The following TTC7B variants were observed in gnomAD, a reference collection of about 807,000 sequenced individuals.
TTC7B encodes the protein tetratricopeptide repeat protein 7B.
Under a neutral mutation model 106.8 loss-of-function variants are expected in TTC7B, and 28 were observed. The ratio of observed to expected loss-of-function variants is 0.26; its 90% CI spans 0.19 to 0.36. TTC7B has a LOEUF of 0.36. Ranked by LOEUF, TTC7B falls within the 10% of genes least tolerant of loss-of-function variation. The probability of loss-of-function intolerance (pLI) is 1.00; values close to 1 mark genes in which losing one functional copy is unlikely to be tolerated. For missense variants in TTC7B, 862 were observed against 1,076.4 expected, an observed-to-expected ratio of 0.80 and a Z score of 2.79; for synonymous variants, 405 against 430.6, an observed-to-expected ratio of 0.94 and a Z score of 0.74.
chr14:90,691,460 A>G (rs1362348991), intron 6 of TTC7B, among the ~76,000 whole-genome samples: 1 of 152,234 alleles, frequency 6.6e-6, no homozygotes, highest in Non-Finnish European at 1.5e-5. Flanking sequence ...GAAGTTCAGA[A>G]AAAAACAATA....
intron 13 of TTC7B, among the ~76,000 whole-genome samples, chr14:90,650,073 T>A (rs1340484905): frequency 1.1e-4 from 16 of 152,218 alleles, no homozygotes; most frequent in Non-Finnish European, 1.5e-5. Context: ...CAGGGCTCTC[T>A]TAGATTCCAT....
chr14:90,711,931 T>A (rs1486876967), intron 5 of TTC7B, among the ~76,000 whole-genome samples: 4 of 152,132 alleles, frequency 2.6e-5, no homozygotes, highest in Non-Finnish European at 5.9e-5. Flanking sequence ...TGTGTATGTA[T>A]ACAATCCATT....
At chr14:90,813,108 C>G (rs993094816) in intron 1 of TTC7B, among the ~76,000 whole-genome samples, 1 of 152,206 alleles carries the variant, frequency 6.6e-6, no homozygotes, top group Non-Finnish European at 1.5e-5. Flanking sequence ...AGTTCCCTCC[C>G]TAGAACATGC....
intron 6 of TTC7B, among the ~76,000 whole-genome samples, chr14:90,693,887 A>G (rs1338227408): frequency 6.6e-6 from 1 of 152,234 alleles, no homozygotes; most frequent in Non-Finnish European, 1.5e-5. Context: ...ACATAAGTCC[A>G]CACAAAAACT....
At chr14:90,639,886 C>T (rs1168844407) in intron 15 of TTC7B, among the ~76,000 whole-genome samples, 2 of 152,196 alleles carry the variant, frequency 1.3e-5, no homozygotes, top group Non-Finnish European at 2.9e-5. Flanking sequence ...GCCTCAGGAA[C>T]GGGATGTTAA....
chr14:90,777,227 G>A (rs960457460), intron 3 of TTC7B, among the ~76,000 whole-genome samples: 1 of 152,172 alleles, frequency 6.6e-6, no homozygotes, highest in African/African-American at 2.4e-5. Context: ...GCAATAGAGC[G>A]AGACTCCGTT....
At chr14:90,604,569 T>C (rs138324534) in intron 17 of TTC7B, among the ~76,000 whole-genome samples, 184 of 152,346 alleles carry the variant, frequency 1.2e-3, no homozygotes, top group African/African-American at 4.3e-3. Flanking sequence ...ATAGTGGTTC[T>C]TTCTGGCAGC....
chr14:90,750,104 G>T (rs1890093310), intron 3 of TTC7B, among the ~76,000 whole-genome samples: 1 of 152,146 alleles, frequency 6.6e-6, no homozygotes, highest in African/African-American at 2.4e-5. Flanking sequence ...TTCACCATTT[G>T]CCAGAATAGT....
intron 1 of TTC7B, among the ~76,000 whole-genome samples, chr14:90,806,039 A>G (rs2030585290): frequency 6.6e-6 from 1 of 152,262 alleles, no homozygotes; most frequent in Non-Finnish European, 1.5e-5. Flanking sequence ...CTTGACACGA[A>G]CACAAAAAAA....
chr14:90,712,745 CT>C (rs1206433213), intron 5 of TTC7B, among the ~76,000 whole-genome samples: 28 of 149,076 alleles, frequency 1.9e-4, no homozygotes, highest in Non-Finnish European at 1.5e-4. Context: ...TTTTTTTTTT[CT>C]TTTTTGACAG....
intron 3 of TTC7B, among the ~76,000 whole-genome samples, chr14:90,754,399 T>C (rs1046347260): frequency 3.3e-5 from 5 of 152,208 alleles, no homozygotes; most frequent in African/African-American, 4.8e-5. Flanking sequence ...TGATTTTATA[T>C]GCAAAAATGC....
intron 2 of TTC7B, among the ~76,000 whole-genome samples, chr14:90,782,701 C>T (rs1323207551): frequency 6.6e-6 from 1 of 152,186 alleles, no homozygotes; most frequent in Non-Finnish European, 1.5e-5. Context: ...AGTCTACCCT[C>T]CTTCCCCAAG....
intron 19 of TTC7B, among the ~76,000 whole-genome samples, chr14:90,544,690 A>AAC (rs928880909): frequency 1.5e-4 from 23 of 152,258 alleles, no homozygotes; most frequent in African/African-American, 4.8e-4. Flanking sequence ...AGAACGTTCC[A>AAC]ACGTAACTAT....
chr14:90,695,644 C>G (rs189390861), intron 5 of TTC7B, 66 bp from the exon 6 acceptor site: 1 of 1,008,406 alleles, frequency 9.9e-7, no homozygotes, highest in African/African-American at 1.7e-5. Flanking sequence ...TTTATATGCA[C>G]GTTTCAATGC....
Position 90,729,960 on chromosome 14 carries a change from A to T in TTC7B, c.698+115T>A, listed in dbSNP as rs1889262526. On this transcript the variant is annotated intron_variant, in intron 5 of 19. Transcript: ENST00000328459. ...TCTTTAAAAGAAAAAAAAAGTTCCAATGGTAGTTCATATTTAAAATTCCTT... is the reference window on the plus strand; with the variant it reads ...TCTTTAAAAGAAAAAAAAAGTTCCATTGGTAGTTCATATTTAAAATTCCTT... 14 of 1,156,482 alleles carry T rather than the reference A, an allele frequency of 1.2e-5. No homozygotes were observed. The South Asian group carries it at 2.6e-4, about 22-fold the overall frequency. 71.6% of individuals were successfully genotyped at this position (1,156,482 alleles called of 1,614,324 possible). A position where few individuals can be genotyped will look rare whatever the true frequency, so the allele number is the denominator to read the frequency against.
At chr14:90,719,424 C>CT (rs1450670612) in intron 5 of TTC7B, among the ~76,000 whole-genome samples, 2 of 152,206 alleles carry the variant, frequency 1.3e-5, no homozygotes, top group Admixed American at 1.3e-4. Context: ...TGCAGCCAGA[C>CT]TGGGAGGAAC....
chr14:90,590,839 C>A (rs770966180), intron 18 of TTC7B, among the ~76,000 whole-genome samples: 4 of 152,206 alleles, frequency 2.6e-5, no homozygotes, highest in Non-Finnish European at 4.4e-5. Context: ...TGACTTCATT[C>A]ATTCGTCCTA....
intron 11 of TTC7B, among the ~76,000 whole-genome samples, chr14:90,656,382 G>A (rs1041251607): frequency 1.3e-5 from 2 of 152,058 alleles, no homozygotes; most frequent in African/African-American, 4.8e-5. Context: ...CCACCATCTC[G>A]GCAATTAGAC....
chr14:90,701,877 T>A (rs1031417053), intron 5 of TTC7B, among the ~76,000 whole-genome samples: 4 of 149,988 alleles, frequency 2.7e-5, no homozygotes, highest in Non-Finnish European at 5.9e-5. Flanking sequence ...TGAGGCACAG[T>A]GAACGCAATG....
Sources: allele counts gnomAD v4.1 joint callset (sites outside exome capture counted in the v4.1 genomes callset), GRCh38; gene constraint gnomAD v4.1.1; transcripts MANE v1.5; gene names NCBI Gene and HGNC (gene_info 2026-07-23, HGNC 2026-07-21).